Variants in LCP2 observed in about 807,000 individuals in gnomAD.
LCP2 encodes the protein lymphocyte cytosolic protein 2.
In LCP2, 29 loss-of-function variants were observed where a neutral mutation model predicts 74.5. The observed-to-expected ratio is 0.39, with a 90% confidence interval of 0.29 to 0.53. The LOEUF is 0.53. LCP2 is among the 20% of genes least tolerant of loss of function. LCP2 has a pLI of 0.72. For missense variants in LCP2, 604 were observed against 634.6 expected, an observed-to-expected ratio of 0.95 and a Z score of 0.52; for synonymous variants, 228 against 229.5, an observed-to-expected ratio of 0.99 and a Z score of 0.06.
Position 170,250,873 on chromosome 5 carries a change from G to T in LCP2, c.1336C>A (p.Leu446Met). The change falls in exon 20 of 21, where the codon CTG (leucine) becomes ATG (methionine). Residue 446 changes from leucine (L) to methionine (M), a missense_variant. Coordinates refer to ENST00000046794, the MANE Select transcript of LCP2 (RefSeq NM_005565.5). ...LRKINQDGTF[L>M]VRDSSKKTTT... is the part of the protein sequence containing the mutation. The stretch of plus-strand genomic sequence containing the variant: ...GTTTTTTTAGAGCTGTCTCTGACCA[G>T]AAATGTGCCATCCTAAAAAGACAAA... The T allele has an allele frequency of 6.2e-7, 1 of 1,613,340 alleles. No individual in the cohort carries two copies. Among genetic ancestry groups the T allele is most frequent in the South Asian group, 1.1e-5 (1 of 91,054 alleles).
rs764600817 is a variant in LCP2 at position 170,250,738 on chromosome 5, C to T, written c.1471G>A (p.Gly491Arg). The change falls in exon 20 of 21, where the codon GGG becomes AGG. Residue 491 changes from glycine (G) to arginine (R), a missense_variant. Gly to Arg is a moderately radical substitution (Grantham distance 125). Transcript: ENST00000046794. ...AAATTTGAAATCCTTACCTCTTTCC[C>T]TCGGAGTCCAGTTCCCAACAAGTAA... The part of the protein sequence containing the change: ...QVYLLGTGLR[G>R]KEDFLSVSDI... 3 of 1,613,108 alleles carry T rather than the reference C, an allele frequency of 1.9e-6. No individual in the cohort carries two copies. Among genetic ancestry groups the T allele is most frequent in the Admixed American group, 3.3e-5 (2 of 60,022 alleles).
Position 170,288,026 on chromosome 5 carries a change from A to T in LCP2, c.142-10T>A, listed in dbSNP as rs773661232. The T allele has an allele frequency of 3.7e-5, 59 of 1,613,802 alleles. No homozygotes were observed. The highest frequency in any genetic ancestry group is 4.7e-5 in the Non-Finnish European group (55 of 1,179,832). On this transcript the variant is annotated splice_polypyrimidine_tract_variant and intron_variant, in intron 2 of 20. Transcript: ENST00000046794. The stretch of plus-strand genomic sequence containing the variant: ...CATTTTCTGTCAGGTTCTGAAATGA[A>T]GACACATATGGCAGGCAGGTTACAA...
chr5:170,246,941 C>G lies in LCP2; in HGVS notation c.*1756G>C, dbSNP rs1393706340. The G allele has an allele frequency of 6.6e-6, 1 of 152,196 alleles. No homozygotes were observed. Among genetic ancestry groups the G allele is most frequent in the Non-Finnish European group, 1.5e-5 (1 of 68,034 alleles). 9.4% of individuals were successfully genotyped at this position (152,196 alleles called of 1,614,324 possible). ...AGCCATGGAACAGAACATCTTAATC[C>G]TGATGGCACTTTCCACTAATAGACT... On this transcript the variant is annotated 3_prime_UTR_variant, in exon 21 of 21. Coordinates refer to ENST00000046794, the MANE Select transcript of LCP2 (RefSeq NM_005565.5).
intron 2 of LCP2, among the ~76,000 whole-genome samples, chr5:170,291,874 T>G (rs1314063177): frequency 1.3e-5 from 2 of 152,188 alleles, no homozygotes; most frequent in Non-Finnish European, 2.9e-5. Context: ...TTAGCAGTAA[T>G]TTGCAAGAAT....
Position 170,297,635 on chromosome 5 carries a change from C to G in LCP2, c.-24G>C. The G allele has an allele frequency of 1.3e-6, 2 of 1,595,938 alleles. No individual in the cohort carries two copies. The highest frequency in any genetic ancestry group is 1.7e-6 in the Non-Finnish European group (2 of 1,170,414). ...ATGGCTGCTCTCCCGGGAAGAAGCT[C>G]ACAAGCTGAGCATGGGCGCTTCACC... On this transcript the variant is annotated 5_prime_UTR_variant, in exon 1 of 21. An upstream open reading frame in the 5' UTR loses its in-frame stop. Transcript: ENST00000046794.
intron 3 of LCP2, among the ~76,000 whole-genome samples, chr5:170,278,102 C>G (rs1014498062): frequency 2.0e-5 from 3 of 150,734 alleles, no homozygotes; most frequent in Non-Finnish European, 1.5e-5. Flanking sequence ...CCGTTAGTGT[C>G]CTGTGTCCTG....
chr5:170,276,763 A>T (rs1052267357), intron 3 of LCP2, among the ~76,000 whole-genome samples: 17 of 152,108 alleles, frequency 1.1e-4, no homozygotes, highest in Non-Finnish European at 2.2e-4. Context: ...AGTAGTCAAT[A>T]GGCTTAGTGT....
rs945071140 is a variant in LCP2 at position 170,295,262 on chromosome 5, T to A, written c.79-1890A>T. Among the ~76,000 whole-genome samples, 48 of 152,194 alleles carry A rather than the reference T, an allele frequency of 3.2e-4. 1 individual carries two copies. The highest frequency in any genetic ancestry group is 4.4e-5 in the Non-Finnish European group (3 of 68,040). On this transcript the variant is annotated intron_variant, in intron 1 of 20. Transcript: ENST00000046794. The stretch of plus-strand genomic sequence containing the variant: ...CTTATATTCCAGACACAGGACGAGG[T>A]ACCCATGTCAGAGACAAGAAGACGC...
At chr5:170,289,758 CTT>C (rs33981922) in intron 2 of LCP2, among the ~76,000 whole-genome samples, 2 of 123,262 alleles carry the variant, frequency 1.6e-5, no homozygotes, top group Non-Finnish European at 1.7e-5. Context: ...TTTTCTTTCT[CTT>C]TTTTTTTTTC....
chr5:170,270,970 G>T, intron 6 of LCP2, 53 bp from the exon 7 acceptor site: 1 of 1,474,140 alleles, frequency 6.8e-7, no homozygotes. Context: ...TGTGGCCCTC[G>T]ATGTGCCTGT....
At position 170,273,041 on chromosome 5, in the gene LCP2, T is replaced by TAAAAAAAAA. The variant is rs10675735; in HGVS notation, c.324+1251_324+1259dup. Among the ~76,000 whole-genome samples the TAAAAAAAAA allele has an allele frequency of 2.8e-3, 406 of 147,630 alleles. 4 individuals carry two copies. Among genetic ancestry groups the TAAAAAAAAA allele is most frequent in the African/African-American group, 9.7e-3 (385 of 39,796 alleles). On this transcript the variant is annotated intron_variant, in intron 6 of 20. Transcript: ENST00000046794. ...TCACTGTTTGCTCAAATAAACTCCT[T>TAAAAAAAAA]AAAAAAAAAAAAAAATTGCATTGTG...
At chr5:170,269,583 A>G (rs1387334950) in intron 7 of LCP2, among the ~76,000 whole-genome samples, 1 of 152,246 alleles carries the variant, frequency 6.6e-6, no homozygotes, top group Non-Finnish European at 1.5e-5. Flanking sequence ...CCACTTGGCC[A>G]ACTTGTATTT....
chr5:170,284,736 C>T (rs1762154813), intron 3 of LCP2, among the ~76,000 whole-genome samples: 1 of 150,006 alleles, frequency 6.7e-6, no homozygotes, highest in Non-Finnish European at 1.5e-5. Flanking sequence ...TTGAAATTGT[C>T]CCAAAGTTCC....
intron 20 of LCP2, among the ~76,000 whole-genome samples, chr5:170,249,973 G>T (rs542077975): frequency 6.6e-6 from 1 of 152,124 alleles, no homozygotes; most frequent in African/African-American, 2.4e-5. Flanking sequence ...GCCAACCAGC[G>T]ATTCAAACAT....
chr5:170,250,921 A>G, intron 19 of LCP2, 36 bp from the exon 20 acceptor site: 1 of 1,585,684 alleles, frequency 6.3e-7, no homozygotes, highest in East Asian at 2.2e-5. Flanking sequence ...TGGGAGCAGT[A>G]AAAGTCAATA....
chr5:170,258,069 T>C lies in LCP2; in HGVS notation c.1068A>G (p.Pro356=). 6.2e-7 allele frequency: 1 copy of C among 1,613,902 alleles called. No homozygotes were observed. Among genetic ancestry groups the C allele is most frequent in the South Asian group, 1.1e-5 (1 of 91,084 alleles). The part of the protein sequence containing the change: ...STKPSPMNPL[P]SSHMPGAFSE... The stretch of plus-strand genomic sequence containing the variant: ...AGAATGCTCCAGGCATGTGAGAGGA[T>C]GGGAGAGGGTTCATGGGACTTGGCT... The change falls in exon 16 of 21, where the codon CCA becomes CCG. Residue 356 remains proline (P), a synonymous_variant. Transcript: ENST00000046794.
At chr5:170,287,054 A>G (rs77462074) in intron 3 of LCP2, among the ~76,000 whole-genome samples, 2,540 of 152,336 alleles carry the variant, frequency 0.017, 80 homozygotes, top group African/African-American at 0.058. Flanking sequence ...ATTTGAAGAT[A>G]GGACATTGTT....
At chr5:170,289,667 TTCTTTC>T (rs1160339558) in intron 2 of LCP2, among the ~76,000 whole-genome samples, 151 of 76,440 alleles carry the variant, frequency 2.0e-3, no homozygotes, top group East Asian at 5.0e-3. Flanking sequence ...CTTTCTTTCT[TTCTTTC>T]TCTCTCTCTC....
chr5:170,254,507 C>A (rs1761514570), intron 17 of LCP2, among the ~76,000 whole-genome samples: 1 of 152,212 alleles, frequency 6.6e-6, no homozygotes, highest in African/African-American at 2.4e-5. Flanking sequence ...TAAGATGCTC[C>A]TTCCCTGTTT....
Sources: gnomAD v4.1 joint callset for allele counts (sites outside exome capture counted in the v4.1 genomes callset) on GRCh38, gnomAD v4.1.1 for gene constraint, MANE v1.5 for transcripts, NCBI Gene and HGNC (gene_info 2026-07-23, HGNC 2026-07-21) for gene names.